Variants in ORC3 observed in about 807,000 individuals in gnomAD.
ORC3 encodes the protein origin recognition complex subunit 3.
ORC3 carries 78 observed loss-of-function variants against 100.7 expected under a neutral mutation model. The observed-to-expected ratio is 0.77, with a 90% CI of 0.65 to 0.94. ORC3 has a LOEUF of 0.94. Ranked by LOEUF, ORC3 falls within the 40% of genes least tolerant of loss-of-function variation. The probability of loss-of-function intolerance (pLI) is 0.00; values close to 1 mark genes in which losing one functional copy is unlikely to be tolerated. For synonymous variants in ORC3, 295 were observed against 289.3 expected, an observed-to-expected ratio of 1.02 and a Z score of -0.20; for missense variants, 789 against 823.9, an observed-to-expected ratio of 0.96 and a Z score of 0.52.
At chr6:87,607,919 A>G (rs1179269453) in intron 6 of ORC3, 95 bp downstream of exon 6, 2 of 762,438 alleles carry the variant, frequency 2.6e-6, no homozygotes, top group African/African-American at 3.6e-5. Context: ...TCTAACAAGG[A>G]TATGTTTCTG....
intron 11 of ORC3, 95 bp downstream of exon 11, chr6:87,622,108 T>C (rs1779579163): frequency 2.5e-6 from 2 of 811,172 alleles, no homozygotes; most frequent in Admixed American, 4.3e-5. Context: ...AACATATTTG[T>C]GCATCTTAAT....
At chr6:87,617,552 T>C (rs1412640802) in intron 9 of ORC3, among the ~76,000 whole-genome samples, 1 of 151,942 alleles carries the variant, frequency 6.6e-6, no homozygotes, top group Admixed American at 6.6e-5. Flanking sequence ...CTGAACAACA[T>C]AATGCAGCCT....
intron 13 of ORC3, among the ~76,000 whole-genome samples, chr6:87,642,353 G>A (rs997867407): frequency 1.3e-5 from 2 of 152,144 alleles, no homozygotes; most frequent in Non-Finnish European, 2.9e-5. Context: ...TACTTTGGGA[G>A]GCTGAGGTGG....
At position 87,652,821 on chromosome 6, in the gene ORC3, G is replaced by A. The variant is rs1055366625; in HGVS notation, c.1383-295G>A. Among the ~76,000 whole-genome samples the A allele has an allele frequency of 4.3e-4, 65 of 152,246 alleles. 1 individual carries two copies. Among genetic ancestry groups the A allele is most frequent in the African/African-American group, 1.6e-3 (65 of 41,540 alleles). On this transcript the variant is annotated intron_variant, in intron 13 of 19. Coordinates refer to ENST00000392844, the MANE Select transcript of ORC3 (RefSeq NM_012381.4). ...TTCCATTTTACAGACAACGAACCAA[G>A]GATCAGAGATGTATAATAACCTTAT...
chr6:87,629,696 AC>A (rs1450966371), intron 11 of ORC3, among the ~76,000 whole-genome samples: 2 of 152,092 alleles, frequency 1.3e-5, no homozygotes, highest in Non-Finnish European at 2.9e-5. Context: ...CTCTGCCGTC[AC>A]CCCTCCCAAC....
Position 87,608,421 on chromosome 6 carries a change from TAGGTTATG to T in ORC3, c.579+598_579+605del, listed in dbSNP as rs539751349. 1.6e-3 allele frequency among the ~76,000 whole-genome samples: 244 copies of T among 152,302 alleles called. 4 individuals are homozygous for T. The highest frequency in any genetic ancestry group is 0.015 in the Admixed American group (232 of 15,288). On this transcript the variant is annotated intron_variant, in intron 6 of 19. Coordinates refer to ENST00000392844, the MANE Select transcript of ORC3 (RefSeq NM_012381.4). The stretch of plus-strand genomic sequence containing the variant: ...TAATTGCGTCATAAAACCATAGTCT[TAGGTTATG>T]GTGCTGTGTAGCCAGACAGTATGGG...
Position 87,664,937 on chromosome 6 carries a change from T to A in ORC3, c.1950+78T>A, listed in dbSNP as rs567419493. On this transcript the variant is annotated intron_variant, in intron 18 of 19. Transcript: ENST00000392844. The stretch of plus-strand genomic sequence containing the variant: ...ACTTTCTCAGAATAGTTTTATACTT[T>A]TAGTGCTTTGGAATTTATCTTGTGT... 8 of 822,020 alleles carry A rather than the reference T, an allele frequency of 9.7e-6. No individual in the cohort carries two copies. In the Middle Eastern group the frequency reaches 7.0e-4, roughly 72 times the overall value. 50.9% of individuals were successfully genotyped at this position (822,020 alleles called of 1,614,324 possible).
chr6:87,600,266 G>GTA (rs1777797385), intron 2 of ORC3, among the ~76,000 whole-genome samples: 1 of 152,050 alleles, frequency 6.6e-6, no homozygotes, highest in Non-Finnish European at 1.5e-5. Flanking sequence ...AATAAAATAC[G>GTA]TAGCAGTAAA....
chr6:87,598,209 A>T lies in ORC3; in HGVS notation c.80-3575A>T, dbSNP rs956073909. Among the ~76,000 whole-genome samples the T allele has an allele frequency of 4.0e-5, 6 of 151,772 alleles. No homozygotes were observed. The South Asian group carries it at 8.3e-4, about 21-fold the overall frequency. On this transcript the variant is annotated intron_variant, in intron 2 of 19. Coordinates refer to ENST00000392844, the MANE Select transcript of ORC3 (RefSeq NM_012381.4). ...TGCTAATTTATTTATTTTTTTTTTA[A>T]GGTGAGATCTCACTTTGTTGTCCAG...
At chr6:87,621,912 A>T (rs1779560422) in intron 10 of ORC3, 38 bp from the exon 11 acceptor site, 1 of 1,447,236 alleles carries the variant, frequency 6.9e-7, no homozygotes, top group Non-Finnish European at 9.6e-7. Flanking sequence ...TGAATGTTTA[A>T]TTTTCTCTTT....
At chr6:87,646,949 A>AT (rs1258665097) in intron 13 of ORC3, among the ~76,000 whole-genome samples, 3 of 152,032 alleles carry the variant, frequency 2.0e-5, no homozygotes, top group Admixed American at 6.5e-5. Flanking sequence ...TATCATTCTG[A>AT]TTTTTCAAAC....
At chr6:87,618,349 T>G (rs1440722935) in intron 9 of ORC3, among the ~76,000 whole-genome samples, 1 of 151,076 alleles carries the variant, frequency 6.6e-6, no homozygotes, top group Non-Finnish European at 1.5e-5. Flanking sequence ...GTGGAGGTTG[T>G]AGTGAGCGAG....
At chr6:87,633,155 A>G (rs374454449) in intron 11 of ORC3, among the ~76,000 whole-genome samples, 1 of 152,222 alleles carries the variant, frequency 6.6e-6, no homozygotes, top group African/African-American at 2.4e-5. Context: ...GGCAAAAGAA[A>G]ATAGGTAGCA....
intron 13 of ORC3, among the ~76,000 whole-genome samples, chr6:87,639,918 G>A (rs777309690): frequency 7.2e-5 from 11 of 151,810 alleles, no homozygotes; most frequent in Non-Finnish European, 1.6e-4. Context: ...GATCACTTGA[G>A]CTTGGGAGGC....
In ORC3 at chr6:87,627,526, C is replaced by T. The variant is rs992008214; in HGVS notation, c.1185+5513C>T. Among the ~76,000 whole-genome samples, 5 of 151,552 alleles carry T rather than the reference C, an allele frequency of 3.3e-5. No homozygotes were observed. In the South Asian group the frequency reaches 1.0e-3, roughly 32 times the overall value. On this transcript the variant is annotated intron_variant, in intron 11 of 19. Coordinates refer to ENST00000392844, the MANE Select transcript of ORC3 (RefSeq NM_012381.4). ...GGCCAGGCTGGTCTTGAACTCCTGA[C>T]CTCAAGTGATCCGCCCGCCTAGGCC...
At chr6:87,669,169 A>G (rs1770779705), downstream of ORC3, among the ~76,000 whole-genome samples, 1 of 152,176 alleles carries the variant, frequency 6.6e-6, no homozygotes, top group African/African-American at 2.4e-5. Context: ...AAAACAAAAC[A>G]AAACAAAAGC....
At chr6:87,611,416 G>A (rs1778757117) in intron 7 of ORC3, among the ~76,000 whole-genome samples, 2 of 152,144 alleles carry the variant, frequency 1.3e-5, no homozygotes, top group Admixed American at 6.5e-5. Flanking sequence ...AAGTGAGGAA[G>A]ACTATAGAAA....
At chr6:87,674,408 C>T in the ORC3 span, among the ~76,000 whole-genome samples, 1 of 148,852 alleles carries the variant, frequency 6.7e-6, no homozygotes. Flanking sequence ...TAGAATTCAA[C>T]AAATGAATTC....
intron 2 of ORC3, among the ~76,000 whole-genome samples, chr6:87,597,196 T>C (rs1433119150): frequency 6.6e-6 from 1 of 152,216 alleles, no homozygotes; most frequent in Admixed American, 6.5e-5. Flanking sequence ...ATATACACCT[T>C]AACCACATAG....
Sources: allele counts gnomAD v4.1 joint callset (sites outside exome capture counted in the v4.1 genomes callset), GRCh38; gene constraint gnomAD v4.1.1; transcripts MANE v1.5; gene names NCBI Gene and HGNC (gene_info 2026-07-23, HGNC 2026-07-21).